CSMD1: variants seen among roughly 807,000 people sequenced by gnomAD.
The protein encoded by CSMD1 is CUB and sushi domain-containing protein 1.
In CSMD1, 213 loss-of-function variants were observed where a neutral mutation model predicts 417.5. The observed-to-expected ratio is 0.51, with a 90% CI of 0.46 to 0.57. The LOEUF (loss-of-function observed/expected upper bound fraction) is 0.57. Among genes scored for constraint, CSMD1 ranks in the 20% least tolerant of loss-of-function variants. CSMD1 has a pLI of 0.00. For missense variants in CSMD1, 6,923 were observed against 4,529.7 expected (o/e 1.53, Z -15.17); for synonymous variants, 2,862 against 1,736.8 (o/e 1.65, Z -16.11).
intron 1 of CSMD1, among the ~76,000 whole-genome samples, chr8:4,950,689 G>C (rs1055429620): frequency 2.0e-5 from 3 of 152,152 alleles, no homozygotes; most frequent in African/African-American, 7.2e-5. Context: ...AGTTTACTTT[G>C]ATTACATTGG....
intron 3 of CSMD1, among the ~76,000 whole-genome samples, chr8:4,110,312 C>T (rs1478167563): frequency 1.3e-5 from 2 of 152,048 alleles, no homozygotes; most frequent in Admixed American, 1.3e-4. Flanking sequence ...CCACCATTTC[C>T]CAGGAACTTG....
intron 3 of CSMD1, among the ~76,000 whole-genome samples, chr8:4,082,628 T>C (rs1337461742): frequency 6.6e-6 from 1 of 152,042 alleles, no homozygotes; most frequent in Admixed American, 6.6e-5. Flanking sequence ...TTTATTATTA[T>C]TACACTTTAA....
chr8:4,021,399 T>A (rs570465090), intron 4 of CSMD1, among the ~76,000 whole-genome samples: 2 of 152,344 alleles, frequency 1.3e-5, no homozygotes, highest in South Asian at 4.1e-4. Flanking sequence ...GTGGCTCACA[T>A]TATGGATTGT....
chr8:3,975,838 A>G (rs1484682998), intron 5 of CSMD1, among the ~76,000 whole-genome samples: 1 of 152,182 alleles, frequency 6.6e-6, no homozygotes, highest in African/African-American at 2.4e-5. Context: ...TTCATATAAA[A>G]TTTTTAGTTA....
intron 1 of CSMD1, among the ~76,000 whole-genome samples, chr8:4,664,182 A>G (rs1318227591): frequency 2.0e-5 from 3 of 152,214 alleles, no homozygotes; most frequent in Admixed American, 6.5e-5. Context: ...ATCTCAAAGT[A>G]GCCCAGGGAG....
At chr8:4,545,034 C>A (rs768299699) in intron 2 of CSMD1, among the ~76,000 whole-genome samples, 14 of 152,308 alleles carry the variant, frequency 9.2e-5, no homozygotes, top group South Asian at 2.1e-4. Flanking sequence ...AATGCATGCA[C>A]CCATTTAAAC....
At chr8:4,612,925 C>T (rs763231479) in intron 2 of CSMD1, among the ~76,000 whole-genome samples, 8 of 152,108 alleles carry the variant, frequency 5.3e-5, no homozygotes, top group Non-Finnish European at 1.0e-4. Flanking sequence ...ATTTTATGTA[C>T]TAATTATGGG....
intron 5 of CSMD1, among the ~76,000 whole-genome samples, chr8:3,799,260 T>C (rs1039660220): frequency 6.6e-6 from 1 of 151,936 alleles, no homozygotes; most frequent in African/African-American, 2.4e-5. Flanking sequence ...AGCATTTTTT[T>C]TTATACTTTA....
At chr8:3,843,989 G>A (rs945105680) in intron 5 of CSMD1, among the ~76,000 whole-genome samples, 1 of 152,146 alleles carries the variant, frequency 6.6e-6, no homozygotes, top group Non-Finnish European at 1.5e-5. Flanking sequence ...ACGGCCAAAT[G>A]TCTAGCATCC....
chr8:3,341,186 T>C (rs1444230133), intron 23 of CSMD1, among the ~76,000 whole-genome samples: 2 of 152,074 alleles, frequency 1.3e-5, no homozygotes, highest in Non-Finnish European at 2.9e-5. Context: ...GCAAGCCTTC[T>C]GGGTGAGGGA....
At chr8:3,011,983 TGCTTAATTCTGTG>T (rs1292288346) in intron 52 of CSMD1, among the ~76,000 whole-genome samples, 1 of 152,202 alleles carries the variant, frequency 6.6e-6, no homozygotes, top group Non-Finnish European at 1.5e-5. Flanking sequence ...GCATTCTCAG[TGCTTAATTCTGTG>T]GCCTGGGGAG....
chr8:4,183,938 C>T (rs577231038), intron 3 of CSMD1, among the ~76,000 whole-genome samples: 28 of 152,218 alleles, frequency 1.8e-4, no homozygotes, highest in South Asian at 4.1e-4. Context: ...GTCTGGGAAA[C>T]CTATGAACTG....
At chr8:3,651,504 G>A (rs533029713) in intron 7 of CSMD1, among the ~76,000 whole-genome samples, 1 of 152,192 alleles carries the variant, frequency 6.6e-6, no homozygotes, top group Admixed American at 6.5e-5. Context: ...TATCTGCATA[G>A]CTGGCCTCGG....
At chr8:3,185,980 A>G (rs1192094990) in intron 36 of CSMD1, among the ~76,000 whole-genome samples, 1 of 151,910 alleles carries the variant, frequency 6.6e-6, no homozygotes, top group Non-Finnish European at 1.5e-5. Context: ...TATTTTACTA[A>G]TCTGTTAAGA....
intron 1 of CSMD1, among the ~76,000 whole-genome samples, chr8:4,755,305 C>T (rs532316804): frequency 6.6e-6 from 1 of 152,116 alleles, no homozygotes; most frequent in Non-Finnish European, 1.5e-5. Flanking sequence ...TTCTTTATAG[C>T]ACTTGACAAT....
intron 5 of CSMD1, among the ~76,000 whole-genome samples, chr8:3,935,338 G>A (rs1020294571): frequency 7.2e-5 from 11 of 152,232 alleles, no homozygotes; most frequent in East Asian, 5.8e-4. Context: ...GTGATACTTG[G>A]TTGTTTCACT....
At chr8:4,056,316 T>C (rs1798687725) in intron 3 of CSMD1, among the ~76,000 whole-genome samples, 1 of 151,576 alleles carries the variant, frequency 6.6e-6, no homozygotes, top group Admixed American at 6.6e-5. Flanking sequence ...CTCCTGACCT[T>C]AGGTGATCCA....
chr8:4,609,718 C>G (rs1205643145), intron 2 of CSMD1, among the ~76,000 whole-genome samples: 1 of 151,934 alleles, frequency 6.6e-6, no homozygotes, highest in Admixed American at 6.6e-5. Flanking sequence ...GCAATTTAAA[C>G]AAGAAAACAG....
chr8:4,526,480 T>G (rs563824314), intron 2 of CSMD1, among the ~76,000 whole-genome samples: 44 of 152,318 alleles, frequency 2.9e-4, no homozygotes, highest in Non-Finnish European at 5.1e-4. Flanking sequence ...ATCAGGTAAT[T>G]ATTGTGCAAG....
Sources: allele counts gnomAD v4.1 joint callset (sites outside exome capture counted in the v4.1 genomes callset), GRCh38; gene constraint gnomAD v4.1.1; transcripts MANE v1.5; gene names NCBI Gene and HGNC (gene_info 2026-07-23, HGNC 2026-07-21).